Variants in NETO2 observed in about 807,000 individuals in gnomAD.
NETO2 encodes the protein neuropilin and tolloid like 2.
A neutral mutation model predicts 62.5 loss-of-function variants in NETO2; 28 were observed. The observed-to-expected ratio is 0.45, with a 90% CI of 0.33 to 0.61. The LOEUF (loss-of-function observed/expected upper bound fraction) is 0.61. Ranked by LOEUF, NETO2 falls within the 20% of genes least tolerant of loss-of-function variation. The pLI is 0.02. For synonymous variants in NETO2, 214 were observed against 219.1 expected, an observed-to-expected ratio of 0.98 and a Z score of 0.21; for missense variants, 548 against 643.2, an observed-to-expected ratio of 0.85 and a Z score of 1.60.
At chr16:47,090,085 A>G (rs1963281287) in intron 7 of NETO2, among the ~76,000 whole-genome samples, 1 of 152,154 alleles carries the variant, frequency 6.6e-6, no homozygotes, top group Non-Finnish European at 1.5e-5. Context: ...TTGGTTTTTA[A>G]GGTTTATCTA....
intron 4 of NETO2, among the ~76,000 whole-genome samples, chr16:47,125,591 C>G (rs1024245999): frequency 6.6e-6 from 1 of 152,154 alleles, no homozygotes; most frequent in African/African-American, 2.4e-5. Flanking sequence ...TGTGATCCAC[C>G]CACCTCAGCC....
rs1449051036 is a variant in NETO2 at position 47,081,146 on chromosome 16, T to G, written c.*2075A>C. On this transcript the variant is annotated 3_prime_UTR_variant, in exon 9 of 9. Transcript: ENST00000562435. ...TACTGTATTATTTGCTATTATAATC[T>G]AAAGATTAAATATAGGTTTAACAGC... 1 of 152,158 alleles carries G rather than the reference T, an allele frequency of 6.6e-6. No homozygotes were observed. Among genetic ancestry groups the G allele is most frequent in the African/African-American group, 2.4e-5 (1 of 41,458 alleles). The allele number at this position is 152,158 out of a possible 1,614,324, so 9.4% of individuals were successfully genotyped here. A position where few individuals can be genotyped will look rare whatever the true frequency, so the allele number is the denominator to read the frequency against.
chr16:47,126,390 G>A (rs182438608), intron 4 of NETO2, among the ~76,000 whole-genome samples: 40 of 152,304 alleles, frequency 2.6e-4, no homozygotes, highest in Admixed American at 1.2e-3. Flanking sequence ...GCTCCATACT[G>A]TATAATTCCA....
At position 47,133,873 on chromosome 16, in the gene NETO2, A is replaced by G. The variant is rs76185696; in HGVS notation, c.35-1848T>C. 2.3e-3 allele frequency among the ~76,000 whole-genome samples: 347 copies of G among 152,292 alleles called. 1 individual carries two copies. Among genetic ancestry groups the G allele is most frequent in the Non-Finnish European group, 4.3e-3 (293 of 68,024 alleles). ...TTGTAGGTTTTTAAACAAGTGTATG[A>G]CATTATCACTTCTGTGTTTTAGACC... On this transcript the variant is annotated intron_variant, in intron 1 of 8. Transcript: ENST00000562435.
chr16:47,086,380 C>T (rs760882237), intron 7 of NETO2, 41 bp from the exon 8 acceptor site: 5 of 1,326,008 alleles, frequency 3.8e-6, no homozygotes, highest in Non-Finnish European at 5.4e-6. Context: ...GCAGGCAGAC[C>T]ACCTGATTTT....
At chr16:47,109,077 A>G (rs1475358540) in intron 7 of NETO2, among the ~76,000 whole-genome samples, 7 of 152,178 alleles carry the variant, frequency 4.6e-5, no homozygotes, top group Non-Finnish European at 1.0e-4. Flanking sequence ...GTTCCAATTG[A>G]TATGTTAACA....
chr16:47,120,189 ATT>A, intron 6 of NETO2, among the ~76,000 whole-genome samples: 1 of 152,222 alleles, frequency 6.6e-6, no homozygotes, highest in African/African-American at 2.4e-5. Flanking sequence ...GACATTCTTG[ATT>A]TGTTTTAATA....
intron 1 of NETO2, among the ~76,000 whole-genome samples, chr16:47,138,270 C>T (rs1964398041): frequency 6.6e-6 from 1 of 152,150 alleles, no homozygotes; most frequent in South Asian, 2.1e-4. Flanking sequence ...CATGGTGGCA[C>T]ACGCCTGTAG....
At chr16:47,113,458 A>T (rs568190402) in intron 6 of NETO2, among the ~76,000 whole-genome samples, 1 of 152,118 alleles carries the variant, frequency 6.6e-6, no homozygotes, top group African/African-American at 2.4e-5. Flanking sequence ...GAAATCACAC[A>T]GCATGTATCC....
In NETO2 at chr16:47,082,990, C is replaced by T; in HGVS notation, c.*231G>A. On this transcript the variant is annotated 3_prime_UTR_variant, in exon 9 of 9. Transcript: ENST00000562435. ...CTGGCAGTGCTTCCTATAAATGACA[C>T]CAAGCAATAGAGATGATTATTGTTT... 1 of 432,272 alleles carries T rather than the reference C, an allele frequency of 2.3e-6. No homozygotes were observed. The allele number at this position is 432,272 out of a possible 1,614,324, so 26.8% of individuals were successfully genotyped here.
intron 1 of NETO2, among the ~76,000 whole-genome samples, chr16:47,141,460 TAAA>T (rs796841662): frequency 7.0e-6 from 1 of 142,576 alleles, no homozygotes; most frequent in African/African-American, 2.6e-5. Flanking sequence ...ATGCGTTTGG[TAAA>T]AAAAAAAAAC....
rs115455458 is a variant in NETO2, at chr16:47,135,690, G to C, written c.35-3665C>G. On this transcript the variant is annotated intron_variant, in intron 1 of 8. Coordinates refer to ENST00000562435, the MANE Select transcript of NETO2 (RefSeq NM_018092.5). ...TTTACCCTGAATCACTGTCATTTTA[G>C]CTCTAAGCAGACAATTCTGTTCCTA... 5.7e-3 allele frequency among the ~76,000 whole-genome samples: 862 copies of C among 151,884 alleles called. 7 individuals carry two copies. The highest frequency in any genetic ancestry group is 0.02 in the African/African-American group (824 of 41,396).
chr16:47,140,964 A>T (rs1964450646), intron 1 of NETO2, among the ~76,000 whole-genome samples: 1 of 152,240 alleles, frequency 6.6e-6, no homozygotes, highest in South Asian at 2.1e-4. Context: ...TAATATTTTC[A>T]TGAGACTATA....
At chr16:47,087,354 A>C (rs1354606467) in intron 7 of NETO2, among the ~76,000 whole-genome samples, 2 of 152,162 alleles carry the variant, frequency 1.3e-5, no homozygotes, top group African/African-American at 4.8e-5. Flanking sequence ...TTGTATGAGA[A>C]ATATTGTATG....
chr16:47,120,529 T>C (rs1200891923), intron 6 of NETO2, among the ~76,000 whole-genome samples: 2 of 152,220 alleles, frequency 1.3e-5, no homozygotes, highest in Non-Finnish European at 2.9e-5. Context: ...ATTATGCTTA[T>C]TTTAAACTGT....
chr16:47,084,117 C>T (rs1050967858), intron 8 of NETO2, among the ~76,000 whole-genome samples: 3 of 152,170 alleles, frequency 2.0e-5, no homozygotes, highest in Non-Finnish European at 4.4e-5. Context: ...TACTCTTGTT[C>T]TATCAAGTTT....
At chr16:47,108,924 A>C (rs1309166846) in intron 7 of NETO2, among the ~76,000 whole-genome samples, 3 of 152,192 alleles carry the variant, frequency 2.0e-5, no homozygotes, top group East Asian at 3.8e-4. Flanking sequence ...GCATATCTAA[A>C]TCTTTGATGA....
rs1286318006 is a variant in NETO2 at position 47,109,467 on chromosome 16, G to T, written c.883+16C>A. 1.9e-6 allele frequency: 3 copies of T among 1,576,284 alleles called. No individual in the cohort carries two copies. Among genetic ancestry groups the T allele is most frequent in the Non-Finnish European group, 2.6e-6 (3 of 1,146,098 alleles). ...ATATGTAAAAGATCTCAATACTATA[G>T]GAATTATTTACTTACGCTCCACAAA... On this transcript the variant is annotated intron_variant, in intron 7 of 8. Coordinates refer to ENST00000562435, the MANE Select transcript of NETO2 (RefSeq NM_018092.5).
At chr16:47,109,279 C>T (rs1963738227) in intron 7 of NETO2, among the ~76,000 whole-genome samples, 2 of 151,504 alleles carry the variant, frequency 1.3e-5, no homozygotes, top group South Asian at 4.2e-4. Flanking sequence ...CCAGCCTGTG[C>T]AACAAATCAA....
Sources: allele counts gnomAD v4.1 joint callset (sites outside exome capture counted in the v4.1 genomes callset), GRCh38; gene constraint gnomAD v4.1.1; transcripts MANE v1.5; gene names NCBI Gene and HGNC (gene_info 2026-07-23, HGNC 2026-07-21).